GLT1D1: variants seen among roughly 807,000 people sequenced by gnomAD.
GLT1D1 encodes the protein glycosyltransferase 1 domain containing 1, also known as glycosyltransferase 1 domain-containing protein 1.
GLT1D1 carries 21 observed loss-of-function variants against 28.7 expected under a neutral mutation model. The observed-to-expected ratio is 0.73, with a 90% CI of 0.52 to 1.05. The LOEUF (loss-of-function observed/expected upper bound fraction) is 1.05. Ranked by LOEUF, GLT1D1 falls within the 50% of genes least tolerant of loss-of-function variation. GLT1D1 has a pLI of 0.00. For synonymous variants in GLT1D1, 147 were observed against 124.8 expected (o/e 1.18, Z -1.19); for missense variants, 343 against 330.6 (o/e 1.04, Z -0.29).
intron 4 of GLT1D1, among the ~76,000 whole-genome samples, chr12:128,935,538 C>CAAAA (rs35895301): frequency 2.9e-4 from 24 of 83,036 alleles, no homozygotes; most frequent in African/African-American, 9.6e-4. Context: ...GACTCTGTCT[C>CAAAA]AAAAAAAAAA....
intron 4 of GLT1D1, among the ~76,000 whole-genome samples, chr12:128,928,741 CT>C (rs1403013655): frequency 6.6e-6 from 1 of 151,716 alleles, no homozygotes; most frequent in Non-Finnish European, 1.5e-5. Context: ...CAGCCTCAGT[CT>C]TCCTAGCAGC....
intron 1 of GLT1D1, among the ~76,000 whole-genome samples, chr12:128,866,228 G>A (rs746440936): frequency 6.8e-6 from 1 of 146,218 alleles, no homozygotes; most frequent in African/African-American, 2.8e-5. Context: ...GCCACCATGC[G>A]TGGCTAATTT....
intron 4 of GLT1D1, among the ~76,000 whole-genome samples, chr12:128,900,643 T>G (rs1236327598): frequency 6.6e-6 from 1 of 151,774 alleles, no homozygotes; most frequent in East Asian, 1.9e-4. Context: ...AAACTTTTTT[T>G]TTTTTTTTTT....
At chr12:128,965,827 G>A (rs1386189045) in intron 7 of GLT1D1, among the ~76,000 whole-genome samples, 1 of 152,088 alleles carries the variant, frequency 6.6e-6, no homozygotes. Context: ...CCTGGGTGAT[G>A]GAAGTTGCCG....
intron 4 of GLT1D1, among the ~76,000 whole-genome samples, chr12:128,909,212 T>TA (rs201302679): frequency 4.1e-5 from 6 of 146,542 alleles, no homozygotes; most frequent in Non-Finnish European, 7.5e-5. Flanking sequence ...TACTTCCTAG[T>TA]AAAAAAAGAA....
chr12:128,931,057 A>T (rs934726086), intron 4 of GLT1D1, among the ~76,000 whole-genome samples: 10 of 151,412 alleles, frequency 6.6e-5, no homozygotes, highest in Admixed American at 6.6e-4. Context: ...GCTGGAGCGC[A>T]ATGGCGTGAT....
Position 128,983,195 on chromosome 12 carries a change from A to G in GLT1D1, c.*105A>G. 2 of 1,009,254 alleles carry G rather than the reference A, an allele frequency of 2.0e-6. No individual in the cohort carries two copies. Among genetic ancestry groups the G allele is most frequent in the South Asian group, 3.0e-5 (2 of 66,702 alleles). The allele number at this position is 1,009,254 out of a possible 1,614,324, so 62.5% of individuals were successfully genotyped here. ...GGCCCAGTGCAGTTCAAATAAAACC[A>G]GCCTCAGCGGAATCCTAGAAAATGT... On this transcript the variant is annotated 3_prime_UTR_variant, in exon 8 of 8. Coordinates refer to ENST00000281703, the MANE Select transcript of GLT1D1 (RefSeq NM_144669.3). The surrounding 1 kb of genome is among the most constrained non-coding windows in gnomAD (Gnocchi z 4.7).
intron 7 of GLT1D1, among the ~76,000 whole-genome samples, chr12:128,967,802 A>G (rs560417): frequency 0.058 from 8,857 of 152,276 alleles, 851 homozygotes; most frequent in African/African-American, 0.2. Flanking sequence ...CGTAACATCT[A>G]TAATTCTTGG....
intron 4 of GLT1D1, among the ~76,000 whole-genome samples, chr12:128,931,398 C>T (rs1238791718): frequency 6.6e-6 from 1 of 151,486 alleles, no homozygotes; most frequent in African/African-American, 2.4e-5. Flanking sequence ...ACCTCCGCCT[C>T]CTGGGTTCAA....
chr12:128,868,425 G>A (rs1206733012), intron 1 of GLT1D1, among the ~76,000 whole-genome samples: 2 of 152,298 alleles, frequency 1.3e-5, no homozygotes, highest in South Asian at 2.1e-4. Flanking sequence ...AGGAAGGAGC[G>A]TGTGGGAACA....
intron 6 of GLT1D1, among the ~76,000 whole-genome samples, chr12:128,953,831 C>T (rs928791943): frequency 5.3e-5 from 8 of 151,728 alleles, no homozygotes; most frequent in Admixed American, 1.3e-4. Flanking sequence ...CTGCAACCTC[C>T]GCCTCCCGGG....
At chr12:128,863,945 C>CAAAAAAAA (rs35052910) in intron 1 of GLT1D1, among the ~76,000 whole-genome samples, 1 of 56,158 alleles carries the variant, frequency 1.8e-5, no homozygotes, top group African/African-American at 6.8e-5. Context: ...GACTCCATCT[C>CAAAAAAAA]AAAAAAAAAA....
intron 6 of GLT1D1, among the ~76,000 whole-genome samples, chr12:128,956,151 T>C (rs1204731072): frequency 2.9e-3 from 2 of 694 alleles, no homozygotes; most frequent in African/African-American, 0.014. Flanking sequence ...AGAGCGAGAC[T>C]CCATCTCAAA....
At chr12:128,910,328 G>T (rs552913227) in intron 4 of GLT1D1, among the ~76,000 whole-genome samples, 1 of 124,888 alleles carries the variant, frequency 8.0e-6, no homozygotes, top group South Asian at 2.5e-4. Flanking sequence ...TTGAGTTTAT[G>T]TATTGCTAAT....
At chr12:128,871,151 A>G (rs961994488) in intron 1 of GLT1D1, among the ~76,000 whole-genome samples, 10 of 152,188 alleles carry the variant, frequency 6.6e-5, no homozygotes, top group African/African-American at 2.4e-4. Flanking sequence ...TCCATCTATC[A>G]GTGTTTATTT....
At chr12:128,909,569 C>T (rs545339893) in intron 4 of GLT1D1, among the ~76,000 whole-genome samples, 2 of 152,170 alleles carry the variant, frequency 1.3e-5, no homozygotes, top group African/African-American at 2.4e-5. Flanking sequence ...TTATTTTTGT[C>T]ATCTGTAGAG....
At chr12:128,912,775 G>T (rs1483123978) in intron 4 of GLT1D1, among the ~76,000 whole-genome samples, 1 of 151,912 alleles carries the variant, frequency 6.6e-6, no homozygotes, top group Non-Finnish European at 1.5e-5. Context: ...CGTTTCTCTA[G>T]CCTCAGCCCC....
At chr12:128,886,363 C>T (rs1868385930) in intron 2 of GLT1D1, among the ~76,000 whole-genome samples, 1 of 152,154 alleles carries the variant, frequency 6.6e-6, no homozygotes, top group Non-Finnish European at 1.5e-5. Flanking sequence ...AACACAAATT[C>T]ATCACCTGAC....
intron 4 of GLT1D1, among the ~76,000 whole-genome samples, chr12:128,941,307 G>A (rs972190722): frequency 6.6e-6 from 1 of 152,188 alleles, no homozygotes; most frequent in African/African-American, 2.4e-5. Context: ...CAGACCTTTG[G>A]TCATAGACTT....
Sources: gnomAD v4.1 joint callset for allele counts (sites outside exome capture counted in the v4.1 genomes callset) on GRCh38, gnomAD v4.1.1 for gene constraint, Gnocchi (gnomAD v3.1) non-coding constraint, MANE v1.5 for transcripts, NCBI Gene and HGNC (gene_info 2026-07-23, HGNC 2026-07-21) for gene names.